Variants in ATP8A2 observed in about 807,000 individuals in gnomAD.
ATP8A2 encodes the protein ATPase phospholipid transporting 8A2, also known as phospholipid-transporting ATPase IB.
A neutral mutation model predicts 165.6 loss-of-function variants in ATP8A2; 100 were observed. The ratio of observed to expected loss-of-function variants is 0.60; its 90% CI spans 0.51 to 0.71. The LOEUF (loss-of-function observed/expected upper bound fraction) is 0.71, where lower values mean the gene tolerates loss of function less well. Ranked by LOEUF, ATP8A2 falls within the 30% of genes least tolerant of loss-of-function variation. ATP8A2 has a pLI of 0.00. For synonymous variants in ATP8A2, 543 were observed against 548.8 expected, an observed-to-expected ratio of 0.99 and a Z score of 0.15; for missense variants, 1,227 against 1,479.5, an observed-to-expected ratio of 0.83 and a Z score of 2.80.
chr13:25,757,794 T>C (rs1245372063), intron 25 of ATP8A2, among the ~76,000 whole-genome samples: 3 of 152,166 alleles, frequency 2.0e-5, no homozygotes, highest in Admixed American at 2.0e-4. Flanking sequence ...GCTGGAACTT[T>C]CTTCATTCTC....
intron 35 of ATP8A2, among the ~76,000 whole-genome samples, chr13:25,978,461 G>A (rs142234508): frequency 1.2e-3 from 182 of 152,312 alleles, no homozygotes; most frequent in Non-Finnish European, 2.1e-3. Flanking sequence ...CAATTTAGAT[G>A]TTATCTGGGA....
chr13:25,713,533 T>C (rs1329640581), intron 25 of ATP8A2, among the ~76,000 whole-genome samples: 1 of 152,200 alleles, frequency 6.6e-6, no homozygotes, highest in Non-Finnish European at 1.5e-5. Flanking sequence ...ACCGAGATTC[T>C]CAGTCAGGAG....
intron 1 of ATP8A2, among the ~76,000 whole-genome samples, chr13:25,393,791 A>C (rs914984636): frequency 6.6e-6 from 1 of 152,224 alleles, no homozygotes; most frequent in Non-Finnish European, 1.5e-5. Flanking sequence ...TATGTTGTGC[A>C]TGCCTTGACT....
At chr13:25,766,197 A>G (rs532539220) in intron 25 of ATP8A2, among the ~76,000 whole-genome samples, 2 of 152,356 alleles carry the variant, frequency 1.3e-5, no homozygotes, top group South Asian at 2.1e-4. Flanking sequence ...AGTGATTAAT[A>G]TAATCATAAG....
chr13:25,885,255 G>A (rs1229717759), intron 33 of ATP8A2, among the ~76,000 whole-genome samples: 1 of 149,824 alleles, frequency 6.7e-6, no homozygotes, highest in Non-Finnish European at 1.5e-5. Flanking sequence ...TGGGACTACA[G>A]GTGCCCACCA....
chr13:25,617,497 A>C (rs1424917446), intron 24 of ATP8A2, among the ~76,000 whole-genome samples: 1 of 152,194 alleles, frequency 6.6e-6, no homozygotes. Context: ...TAGTTTTGTG[A>C]GTAGAAAATG....
intron 2 of ATP8A2, among the ~76,000 whole-genome samples, chr13:25,493,009 T>C (rs990535577): frequency 6.6e-6 from 1 of 152,244 alleles, no homozygotes; most frequent in Non-Finnish European, 1.5e-5. Flanking sequence ...CAAAATTCAT[T>C]TGTTTAGACA....
At chr13:25,396,199 T>G (rs191543640) in intron 1 of ATP8A2, among the ~76,000 whole-genome samples, 13 of 152,310 alleles carry the variant, frequency 8.5e-5, no homozygotes, top group African/African-American at 2.4e-4. Context: ...CTGTCTGGAT[T>G]CTTCTCGTTC....
At position 26,016,066 on chromosome 13, in the gene ATP8A2, T is replaced by C. The variant is rs187262160; in HGVS notation, c.3469+3444T>C. On this transcript the variant is annotated intron_variant, in intron 36 of 36. Coordinates refer to ENST00000381655, the MANE Select transcript of ATP8A2 (RefSeq NM_016529.6). ...TCTAACTCCCGCCAGGCCTGGTTTC[T>C]AAGAGGAAAATGTTTAATCTGAAAT... 5.6e-4 allele frequency among the ~76,000 whole-genome samples: 86 copies of C among 152,316 alleles called. No homozygotes were observed. The East Asian group carries it at 0.014, about 25-fold the overall frequency.
rs914622574 is a variant in ATP8A2 at position 25,541,856 on chromosome 13, C to T, written c.652-63C>T. ...TTCCTTTTGATTAACCATAGGGATG[C>T]TGAATGGTGTCCCTAAGCACAGAAG... On this transcript the variant is annotated intron_variant, in intron 8 of 36. Coordinates refer to ENST00000381655, the MANE Select transcript of ATP8A2 (RefSeq NM_016529.6). The T allele has an allele frequency of 3.8e-6, 6 of 1,585,804 alleles. No homozygotes were observed. In the South Asian group the frequency reaches 6.7e-5, roughly 18 times the overall value.
intron 8 of ATP8A2, among the ~76,000 whole-genome samples, chr13:25,541,160 T>C (rs4770844): frequency 0.71 from 107,427 of 152,004 alleles, 39,528 homozygotes; most frequent in African/African-American, 0.83. Context: ...ATACTGCACC[T>C]GGCCAAGAAT....
At chr13:25,531,410 TTATATATATGATA>T (rs1566230381) in intron 4 of ATP8A2, among the ~76,000 whole-genome samples, 7,793 of 57,950 alleles carry the variant, frequency 0.13, 544 homozygotes, top group African/African-American at 0.22. Flanking sequence ...ATATATATGA[TTATATATATGATA>T]TATATATGAT....
intron 34 of ATP8A2, among the ~76,000 whole-genome samples, chr13:25,966,492 C>T (rs534282727): frequency 7.3e-4 from 111 of 152,254 alleles, no homozygotes; most frequent in Non-Finnish European, 1.5e-3. Context: ...TTTTAAATTG[C>T]CAGCCTCCCT....
At chr13:25,429,241 G>A (rs1241498623) in intron 1 of ATP8A2, among the ~76,000 whole-genome samples, 3 of 151,774 alleles carry the variant, frequency 2.0e-5, no homozygotes, top group Non-Finnish European at 1.5e-5. Context: ...GTGGTGGTGG[G>A]TATCTGTAAT....
chr13:25,541,196 A>ACC (rs1391591053), intron 8 of ATP8A2, among the ~76,000 whole-genome samples: 1 of 152,172 alleles, frequency 6.6e-6, no homozygotes, highest in Non-Finnish European at 1.5e-5. Context: ...ACATATAAAA[A>ACC]TTTTAAGCAC....
intron 11 of ATP8A2, among the ~76,000 whole-genome samples, chr13:25,553,009 C>G (rs1249247116): frequency 3.3e-5 from 5 of 152,084 alleles, no homozygotes; most frequent in Non-Finnish European, 1.5e-5. Context: ...TCCCAGCCTT[C>G]TGCTATCTTT....
At chr13:26,012,068 ACT>A (rs10600391) in intron 35 of ATP8A2, among the ~76,000 whole-genome samples, 88,732 of 151,796 alleles carry the variant, frequency 0.58, 26,167 homozygotes, top group East Asian at 0.82. Context: ...TTAGAAGAAA[ACT>A]CGCCTTGATG....
chr13:25,803,260 T>C (rs1950659096), intron 27 of ATP8A2, among the ~76,000 whole-genome samples: 1 of 152,158 alleles, frequency 6.6e-6, no homozygotes, highest in Non-Finnish European at 1.5e-5. Flanking sequence ...TTCATGGCTT[T>C]TTCAAGTGAC....
intron 33 of ATP8A2, among the ~76,000 whole-genome samples, chr13:25,933,635 C>G (rs1423553123): frequency 6.6e-6 from 1 of 152,164 alleles, no homozygotes; most frequent in East Asian, 1.9e-4. Flanking sequence ...GGGTGCACAC[C>G]TAGGCCTTCC....
Sources: allele counts gnomAD v4.1 joint callset (sites outside exome capture counted in the v4.1 genomes callset), GRCh38; gene constraint gnomAD v4.1.1; transcripts MANE v1.5; gene names NCBI Gene and HGNC (gene_info 2026-07-23, HGNC 2026-07-21).